TBC1D5: variants seen among roughly 807,000 people sequenced by gnomAD.
TBC1D5 encodes TBC1 domain family member 5.
In TBC1D5, 75 loss-of-function variants were observed where a neutral mutation model predicts 100.3. That is an observed-to-expected ratio of 0.75 (90% CI 0.62 to 0.91). The LOEUF is 0.91. TBC1D5 is among the 40% of genes least tolerant of loss of function. The probability of loss-of-function intolerance (pLI) is 0.00; values close to 1 mark genes in which losing one functional copy is unlikely to be tolerated. For missense variants in TBC1D5, 910 were observed against 942.4 expected, an observed-to-expected ratio of 0.97 and a Z score of 0.45; for synonymous variants, 323 against 325.6, an observed-to-expected ratio of 0.99 and a Z score of 0.09.
intron 3 of TBC1D5, among the ~76,000 whole-genome samples, chr3:17,450,219 C>A (rs1474663431): frequency 6.6e-6 from 1 of 152,128 alleles, no homozygotes; most frequent in East Asian, 1.9e-4. Context: ...CGCAAAAACC[C>A]CATCCAAAAG....
intron 10 of TBC1D5, among the ~76,000 whole-genome samples, chr3:17,375,903 C>T (rs572790230): frequency 6.6e-5 from 10 of 152,226 alleles, no homozygotes; most frequent in Admixed American, 5.9e-4. Context: ...CTGGACACAA[C>T]CTGACAGTCC....
rs143847644 is a variant in TBC1D5, at chr3:17,225,113, T to C, written c.1589-10743A>G. Among the ~76,000 whole-genome samples, 11 of 152,248 alleles carry C rather than the reference T, an allele frequency of 7.2e-5. No individual in the cohort carries two copies. In the East Asian group the frequency reaches 1.9e-3, roughly 27 times the overall value. On this transcript the variant is annotated intron_variant, in intron 17 of 21. Coordinates refer to ENST00000253692, the Ensembl canonical transcript of TBC1D5. ...CGTCCATGTTCCACACCTGGATATT[T>C]AACCAACAGATCAAAAATACAAAAA...
chr3:17,693,177 C>T (rs1474935345), intron 1 of TBC1D5, among the ~76,000 whole-genome samples: 2 of 152,170 alleles, frequency 1.3e-5, no homozygotes, highest in East Asian at 1.9e-4. Context: ...ACGCAGAAGA[C>T]GGGTGATATC....
At chr3:17,508,512 C>A in exon 3 of TBC1D5, 1 of 1,613,638 alleles carries the variant, frequency 6.2e-7, no homozygotes. Flanking sequence ...GGGGTCAATG[C>A]CTACTTCTTG....
chr3:17,462,321 A>ATTTTTTTTTTTTTTTTTTTTT (rs1188024653), intron 3 of TBC1D5, among the ~76,000 whole-genome samples: 2 of 143,028 alleles, frequency 1.4e-5, no homozygotes. Context: ...TTCGGACCTT[A>ATTTTTTTTTTTTTTTTTTTTT]ATTTTTTTTT....
At chr3:17,511,357 T>C (rs1289905873) in intron 2 of TBC1D5, among the ~76,000 whole-genome samples, 1 of 151,988 alleles carries the variant, frequency 6.6e-6, no homozygotes, top group Non-Finnish European at 1.5e-5. Context: ...TTTTCTTTAA[T>C]ATCTTAAACC....
At chr3:17,554,032 T>C (rs1055410833) in intron 2 of TBC1D5, among the ~76,000 whole-genome samples, 2 of 152,216 alleles carry the variant, frequency 1.3e-5, no homozygotes, top group African/African-American at 2.4e-5. Flanking sequence ...TCTGTTTCTA[T>C]GGCACGTACT....
chr3:17,163,904 A>G (rs1416093993), intron 21 of TBC1D5, among the ~76,000 whole-genome samples: 11 of 152,190 alleles, frequency 7.2e-5, no homozygotes, highest in Non-Finnish European at 1.5e-4. Context: ...TATGCGGATT[A>G]AAACAGGGGA....
In TBC1D5 at chr3:17,392,723, C is replaced by T. The variant is rs558706892; in HGVS notation, c.510-8708G>A. Among the ~76,000 whole-genome samples the T allele has an allele frequency of 3.2e-3, 480 of 152,258 alleles. 1 individual carries two copies. The highest frequency in any genetic ancestry group is 5.0e-3 in the Non-Finnish European group (341 of 68,014). On this transcript the variant is annotated intron_variant, in intron 8 of 21. Coordinates refer to ENST00000253692, the Ensembl canonical transcript of TBC1D5. The stretch of plus-strand genomic sequence containing the variant: ...CCTTTTTTATGGCTGCATAGTATTC[C>T]ATGGTGTATATGTGCCACATTTTCT...
At chr3:17,496,221 G>T (rs780508554) in intron 3 of TBC1D5, among the ~76,000 whole-genome samples, 5 of 152,162 alleles carry the variant, frequency 3.3e-5, no homozygotes, top group African/African-American at 7.2e-5. Flanking sequence ...GTAATTGTGA[G>T]AACACATTGA....
At chr3:17,214,107 T>G in intron 18 of TBC1D5, 100 bp downstream of exon 19, 1 of 1,247,862 alleles carries the variant, frequency 8.0e-7, no homozygotes, top group Non-Finnish European at 1.1e-6. Context: ...ATAAAAGTTT[T>G]AAGAGCTTTA....
At chr3:17,493,900 T>C (rs2095669587) in intron 3 of TBC1D5, among the ~76,000 whole-genome samples, 1 of 152,214 alleles carries the variant, frequency 6.6e-6, no homozygotes. Context: ...AAGTTCACTG[T>C]TACCCATCTT....
chr3:17,685,361 G>T (rs893581268), intron 1 of TBC1D5, among the ~76,000 whole-genome samples: 1 of 151,974 alleles, frequency 6.6e-6, no homozygotes, highest in Non-Finnish European at 1.5e-5. Context: ...TTTAAAGGAT[G>T]TCGTGAAGAT....
chr3:17,457,577 T>G (rs1669944320), intron 3 of TBC1D5, among the ~76,000 whole-genome samples: 3 of 152,236 alleles, frequency 2.0e-5, no homozygotes, highest in Admixed American at 1.3e-4. Flanking sequence ...GTTGCCCAGC[T>G]TTTCCACTAA....
Position 17,689,929 on chromosome 3 carries a change from A to T in TBC1D5, c.-101+49414T>A, listed in dbSNP as rs181250422. 1.0e-3 allele frequency among the ~76,000 whole-genome samples: 153 copies of T among 152,338 alleles called. 2 individuals carry two copies. In the South Asian group the frequency reaches 0.018, roughly 18 times the overall value. On this transcript the variant is annotated intron_variant, in intron 1 of 21. Transcript: ENST00000253692. ...CCCCAAAAAATCAGTTATTCAGCCCAAAACGTCAACAGTGCTAGAAGGACC... is the reference window on the plus strand; with the variant it reads ...CCCCAAAAAATCAGTTATTCAGCCCTAAACGTCAACAGTGCTAGAAGGACC...
At position 17,567,515 on chromosome 3, in the gene TBC1D5, G is replaced by C. The variant is rs576368732; in HGVS notation, c.-36+56334C>G. Among the ~76,000 whole-genome samples, 53 of 151,672 alleles carry C rather than the reference G, an allele frequency of 3.5e-4. 1 individual carries two copies. The highest frequency in any genetic ancestry group is 2.1e-3 in the Admixed American group (32 of 15,208). ...TAATTACAGACTAAATTTTAAGCTT[G>C]AATTAAATATTTAAGCTGGAAAATT... On this transcript the variant is annotated intron_variant, in intron 2 of 21. Transcript: ENST00000253692.
At chr3:17,406,827 A>G (rs1173462425) in intron 4 of TBC1D5, 1 of 251,270 alleles carries the variant, frequency 4.0e-6, no homozygotes, top group African/African-American at 2.2e-5. Context: ...CAAGAAAAAA[A>G]TGAATAATAT....
intron 3 of TBC1D5, among the ~76,000 whole-genome samples, chr3:17,487,445 C>A (rs1415410866): frequency 6.6e-6 from 1 of 152,198 alleles, no homozygotes; most frequent in East Asian, 1.9e-4. Flanking sequence ...CACTAATTAA[C>A]AAGAGAATTC....
chr3:17,645,586 A>G (rs1269972533), intron 1 of TBC1D5, among the ~76,000 whole-genome samples: 1 of 152,130 alleles, frequency 6.6e-6, no homozygotes, highest in Non-Finnish European at 1.5e-5. Flanking sequence ...ATCCATTTCA[A>G]CAAAGTAACA....
Sources: allele counts gnomAD v4.1 joint callset (sites outside exome capture counted in the v4.1 genomes callset), GRCh38; gene constraint gnomAD v4.1.1; transcripts MANE v1.5; gene names NCBI Gene and HGNC (gene_info 2026-07-23, HGNC 2026-07-21).